SBF2: variants seen among roughly 807,000 people sequenced by gnomAD.
SBF2 encodes SET binding factor 2, also known as myotubularin-related protein 13.
Under a neutral mutation model 225.2 loss-of-function variants are expected in SBF2, and 112 were observed. The observed-to-expected ratio is 0.50, with a 90% CI of 0.43 to 0.58. The LOEUF (loss-of-function observed/expected upper bound fraction) is 0.58, where lower values mean the gene tolerates loss of function less well. Ranked by LOEUF, SBF2 falls within the 20% of genes least tolerant of loss-of-function variation. The pLI is 0.00. For synonymous variants in SBF2, 763 were observed against 773.3 expected (o/e 0.99, Z 0.22); for missense variants, 1,996 against 2,206.2 (o/e 0.90, Z 1.91).
chr11:10,123,109 T>A (rs1953557532), intron 2 of SBF2, among the ~76,000 whole-genome samples: 1 of 152,086 alleles, frequency 6.6e-6, no homozygotes, highest in African/African-American at 2.4e-5. Context: ...CTGGCTCAAC[T>A]ATAGAAAACC....
chr11:9,998,955 T>A (rs1413731140), intron 8 of SBF2, among the ~76,000 whole-genome samples: 1 of 152,236 alleles, frequency 6.6e-6, no homozygotes, highest in Non-Finnish European at 1.5e-5. Flanking sequence ...AGACACTTTA[T>A]TCAAGTAGTT....
Position 9,784,341 on chromosome 11 carries a change from A to G in SBF2, c.5319+10T>C, listed in dbSNP as rs966519501. ...ACAGAAGTAATTTCTTTTGGCTTTAAGAGTATTACCTGATGTTTTGTTACA... is the reference window on the plus strand; with the variant it reads ...ACAGAAGTAATTTCTTTTGGCTTTAGGAGTATTACCTGATGTTTTGTTACA... On this transcript the variant is annotated intron_variant, in intron 38 of 39. Coordinates refer to ENST00000256190, the MANE Select transcript of SBF2 (RefSeq NM_030962.4). 1.9e-6 allele frequency: 3 copies of G among 1,603,140 alleles called. No homozygotes were observed. The highest frequency in any genetic ancestry group is 1.3e-5 in the African/African-American group (1 of 74,716).
chr11:9,992,431 C>G lies in SBF2; in HGVS notation c.1280G>C (p.Cys427Ser), dbSNP rs1176677461. The change falls in exon 12 of 40, where the codon TGT becomes TCT. Residue 427 changes from cysteine (C) to serine (S), a missense_variant. By Grantham distance (112) the Cys-to-Ser change is moderately radical. Coordinates refer to ENST00000256190, the MANE Select transcript of SBF2 (RefSeq NM_030962.4). ...VSERGPPYRS[C>S]DLFDELVAFE... is the part of the protein sequence containing the mutation. Reference sequence around the variant, plus strand: ...GAGCTATACCTCATCAAAGAGATCACAAGATCTATAAGGAGGACCTCTTTC... The same window carrying G: ...GAGCTATACCTCATCAAAGAGATCAGAAGATCTATAAGGAGGACCTCTTTC... 1 of 1,612,454 alleles carries G rather than the reference C, an allele frequency of 6.2e-7. No homozygotes were observed. The highest frequency in any genetic ancestry group is 1.3e-5 in the African/African-American group (1 of 74,866).
In SBF2 at chr11:10,172,697, C is replaced by A. The variant is rs189346984; in HGVS notation, c.141+21205G>T. Among the ~76,000 whole-genome samples the A allele has an allele frequency of 3.4e-3, 523 of 151,864 alleles. 1 individual carries two copies. Among genetic ancestry groups the A allele is most frequent in the Admixed American group, 7.7e-3 (118 of 15,258 alleles). ...TTTCTTTTTTTTTGAGATGGCGTCT[C>A]ACTCTGTCGCCCAGGCTGGAGTGCA... On this transcript the variant is annotated intron_variant, in intron 2 of 39. Transcript: ENST00000256190.
intron 13 of SBF2, among the ~76,000 whole-genome samples, chr11:9,987,326 T>C (rs546576003): frequency 6.6e-6 from 1 of 152,214 alleles, no homozygotes; most frequent in African/African-American, 2.4e-5. Flanking sequence ...TAATACTGAA[T>C]TGGGAAAAGT....
intron 36 of SBF2, 131 bp downstream of exon 36, chr11:9,787,503 C>A (rs115867576): frequency 2.7e-6 from 2 of 749,974 alleles, no homozygotes; most frequent in Non-Finnish European, 4.8e-6. Context: ...CAGGACATGA[C>A]CCCTCCCCTT....
At chr11:10,173,273 C>T (rs1956290883) in intron 2 of SBF2, among the ~76,000 whole-genome samples, 1 of 152,192 alleles carries the variant, frequency 6.6e-6, no homozygotes, top group South Asian at 2.1e-4. Flanking sequence ...TAGGGAGTGC[C>T]AGACAGTGGG....
intron 2 of SBF2, among the ~76,000 whole-genome samples, chr11:10,169,513 G>A (rs188666534): frequency 1.3e-5 from 2 of 152,024 alleles, no homozygotes; most frequent in Admixed American, 6.6e-5. Context: ...ACAGAATCTC[G>A]TTCTTCTTAT....
intron 16 of SBF2, among the ~76,000 whole-genome samples, chr11:9,956,062 T>C (rs1415125075): frequency 6.6e-6 from 1 of 152,174 alleles, no homozygotes; most frequent in Non-Finnish European, 1.5e-5. Context: ...TACAGAATTA[T>C]CTTCTTTAAG....
At chr11:10,294,569 C>T (rs1052791009), upstream of SBF2, among the ~76,000 whole-genome samples, 2 of 152,240 alleles carry the variant, frequency 1.3e-5, no homozygotes, top group Non-Finnish European at 2.9e-5. Context: ...CTCCCCACCA[C>T]CACCAAAGAT....
intron 16 of SBF2, among the ~76,000 whole-genome samples, chr11:9,917,375 A>T (rs1281487458): frequency 6.6e-6 from 1 of 151,630 alleles, no homozygotes; most frequent in East Asian, 1.9e-4. Context: ...TCTGTCACCC[A>T]GGCTGAAGTG....
chr11:9,902,410 C>A (rs1490541381), intron 16 of SBF2, among the ~76,000 whole-genome samples: 1 of 152,190 alleles, frequency 6.6e-6, no homozygotes, highest in African/African-American at 2.4e-5. Flanking sequence ...CACCACCCCA[C>A]AAGATATCCC....
intron 16 of SBF2, among the ~76,000 whole-genome samples, chr11:9,941,252 C>T (rs1320109461): frequency 2.6e-5 from 4 of 152,136 alleles, no homozygotes; most frequent in Non-Finnish European, 5.9e-5. Flanking sequence ...AAGTTTGAGG[C>T]TGCAGTAAGC....
At chr11:10,247,045 C>T (rs755052926) in intron 1 of SBF2, among the ~76,000 whole-genome samples, 2 of 152,084 alleles carry the variant, frequency 1.3e-5, no homozygotes, top group Non-Finnish European at 2.9e-5. Flanking sequence ...TATGATTATA[C>T]CACTGTGCTA....
chr11:9,904,146 T>C (rs567077634), intron 16 of SBF2, among the ~76,000 whole-genome samples: 78 of 151,958 alleles, frequency 5.1e-4, no homozygotes, highest in Non-Finnish European at 9.9e-4. Context: ...ATGTTCTGGT[T>C]AAAAAAACAA....
chr11:9,980,313 AT>A (rs71034749), intron 13 of SBF2, among the ~76,000 whole-genome samples: 2 of 140,002 alleles, frequency 1.4e-5, no homozygotes, highest in African/African-American at 5.3e-5. Context: ...AAAAAAAAAA[AT>A]TTGTAGAGAT....
chr11:10,162,083 G>A (rs1425611717), intron 2 of SBF2, among the ~76,000 whole-genome samples: 2 of 152,038 alleles, frequency 1.3e-5, no homozygotes, highest in African/African-American at 4.8e-5. Context: ...ATGAAGATAA[G>A]AGTGATATCC....
chr11:10,123,776 T>C (rs937260739), intron 2 of SBF2, among the ~76,000 whole-genome samples: 2 of 152,150 alleles, frequency 1.3e-5, no homozygotes, highest in Non-Finnish European at 2.9e-5. Flanking sequence ...AACATACACA[T>C]GTAATAATAG....
Position 10,220,556 on chromosome 11 carries a change from C to G in SBF2, c.56-26569G>C, listed in dbSNP as rs542472591. Among the ~76,000 whole-genome samples, 273 of 152,326 alleles carry G rather than the reference C, an allele frequency of 1.8e-3. 1 individual carries two copies. The highest frequency in any genetic ancestry group is 6.3e-3 in the African/African-American group (264 of 41,580). ...TAGGCCTTCATAATTTCTTGCCTGA[C>G]TTGGTATCCCTACCTCCTGTTTCTT... On this transcript the variant is annotated intron_variant, in intron 1 of 39. Coordinates refer to ENST00000256190, the MANE Select transcript of SBF2 (RefSeq NM_030962.4).
Sources: gnomAD v4.1 joint callset for allele counts (sites outside exome capture counted in the v4.1 genomes callset) on GRCh38, gnomAD v4.1.1 for gene constraint, MANE v1.5 for transcripts, NCBI Gene and HGNC (gene_info 2026-07-23, HGNC 2026-07-21) for gene names.